DOCK8: variants seen among roughly 807,000 people sequenced by gnomAD.
DOCK8 encodes the protein dedicator of cytokinesis 8.
A neutral mutation model predicts 245.6 loss-of-function variants in DOCK8; 141 were observed. The observed-to-expected ratio is 0.57, with a 90% CI of 0.50 to 0.66. The LOEUF is 0.66. DOCK8 is among the 30% of genes least tolerant of loss of function. DOCK8 has a pLI of 0.00. For missense variants in DOCK8, 2,965 were observed against 2,603.4 expected (o/e 1.14, Z -3.02); for synonymous variants, 1,168 against 970.2 (o/e 1.20, Z -3.79).
At chr9:426,595 G>A (rs1252911800) in intron 33 of DOCK8, among the ~76,000 whole-genome samples, 3 of 152,172 alleles carry the variant, frequency 2.0e-5, no homozygotes, top group Non-Finnish European at 4.4e-5. Flanking sequence ...ATTGCTAGTA[G>A]CAACTAATAA....
At chr9:369,866 A>G in intron 15 of DOCK8, 2 of 309,730 alleles carry the variant, frequency 6.5e-6, no homozygotes, top group East Asian at 8.1e-5. Context: ...CAATGGTGCA[A>G]TCTCGACTCA....
chr9:323,478 C>T (rs762944563), intron 7 of DOCK8, among the ~76,000 whole-genome samples: 2 of 152,066 alleles, frequency 1.3e-5, no homozygotes, highest in Non-Finnish European at 2.9e-5. Flanking sequence ...GCCTCGGCCT[C>T]CCAAAGTGCT....
At chr9:400,285 T>A (rs1262205891) in intron 26 of DOCK8, among the ~76,000 whole-genome samples, 28 of 21,804 alleles carry the variant, frequency 1.3e-3, no homozygotes, top group African/African-American at 3.5e-3. Context: ...CACCACTTCC[T>A]TCACCACCAC....
In DOCK8 at chr9:311,635, C is replaced by T. The variant is rs186280254; in HGVS notation, c.529-319C>T. ...GCATGGTTCATTAAGAGGCTTGGCC[C>T]CCCCAGCCCCAGGAAAGAACAAGCC... On this transcript the variant is annotated intron_variant, in intron 5 of 47. Coordinates refer to ENST00000432829, the MANE Select transcript of DOCK8 (RefSeq NM_203447.4). 3.9e-4 allele frequency among the ~76,000 whole-genome samples: 59 copies of T among 152,236 alleles called. No homozygotes were observed. In the East Asian group the frequency reaches 9.1e-3, roughly 23 times the overall value.
chr9:233,974 G>T (rs958420009), intron 1 of DOCK8, among the ~76,000 whole-genome samples: 1 of 152,134 alleles, frequency 6.6e-6, no homozygotes, highest in Non-Finnish European at 1.5e-5. Context: ...GTTAGTTGAT[G>T]CAGTTTCTTC....
At chr9:370,104 A>G (rs1362258016) in intron 15 of DOCK8, 126 bp from the exon 16 acceptor site, 5 of 844,758 alleles carry the variant, frequency 5.9e-6, no homozygotes, top group Admixed American at 5.7e-5. Context: ...CTCCTGGCCA[A>G]CCCAGCACTC....
intron 16 of DOCK8, among the ~76,000 whole-genome samples, chr9:370,879 A>G (rs1452710535): frequency 1.3e-5 from 2 of 152,238 alleles, no homozygotes; most frequent in African/African-American, 2.4e-5. Context: ...ATTTAAGCAC[A>G]TTCTGGGATT....
At chr9:314,152 A>G (rs1338355934) in intron 6 of DOCK8, 13 of 152,260 alleles carry the variant, frequency 8.5e-5, no homozygotes, top group Admixed American at 8.5e-4. Flanking sequence ...GGGACACATA[A>G]CTGAAATCCA....
At chr9:290,348 C>G (rs1035652075) in intron 4 of DOCK8, among the ~76,000 whole-genome samples, 1 of 151,806 alleles carries the variant, frequency 6.6e-6, no homozygotes, top group Admixed American at 6.6e-5. Flanking sequence ...TGAGATAATT[C>G]TTCTTCCAGT....
chr9:285,179 G>T (rs2048765362), intron 2 of DOCK8, among the ~76,000 whole-genome samples: 1 of 152,080 alleles, frequency 6.6e-6, no homozygotes, highest in South Asian at 2.1e-4. Flanking sequence ...CGCCACTCAT[G>T]TCTCCTCCAT....
chr9:280,446 A>G (rs2048529526), intron 2 of DOCK8, among the ~76,000 whole-genome samples: 1 of 152,218 alleles, frequency 6.6e-6, no homozygotes, highest in South Asian at 2.1e-4. Flanking sequence ...GTGTGAAGGT[A>G]TTGGCTTGCC....
rs906902111 is a variant in DOCK8, at chr9:427,103, A to G, written c.4338+122A>G. 4.2e-5 allele frequency: 36 copies of G among 849,050 alleles called. No homozygotes were observed. In the African/African-American group the frequency reaches 4.4e-4, roughly 10 times the overall value. 52.6% of individuals were successfully genotyped at this position (849,050 alleles called of 1,614,324 possible). ...ATCCCATAGTACCTTTTTTAAAAAA[A>G]TGAAGTTGAGAAGTTTACTATTTAC... On this transcript the variant is annotated intron_variant, in intron 34 of 47. Coordinates refer to ENST00000432829, the MANE Select transcript of DOCK8 (RefSeq NM_203447.4).
At chr9:430,870 T>G (rs2056683449) in intron 36 of DOCK8, among the ~76,000 whole-genome samples, 1 of 151,958 alleles carries the variant, frequency 6.6e-6, no homozygotes, top group Non-Finnish European at 1.5e-5. Flanking sequence ...ATTTTAATAT[T>G]TTATTTATTT....
chr9:290,557 A>G (rs998354617), intron 4 of DOCK8, among the ~76,000 whole-genome samples: 4 of 152,210 alleles, frequency 2.6e-5, no homozygotes, highest in African/African-American at 9.6e-5. Context: ...TGGATTAATC[A>G]AACCTTCTGT....
At chr9:428,281 A>G in intron 34 of DOCK8, 81 bp from the exon 35 acceptor site, 1 of 1,607,356 alleles carries the variant, frequency 6.2e-7, no homozygotes, top group South Asian at 1.1e-5. Flanking sequence ...GAACATCAGC[A>G]TTACTGAGCT....
chr9:412,404 C>CA (rs59340573), intron 28 of DOCK8, among the ~76,000 whole-genome samples: 30,236 of 100,404 alleles, frequency 0.3, 3,786 homozygotes, highest in East Asian at 0.58. Flanking sequence ...GACCCTGTCT[C>CA]AAAAAAAAAA....
chr9:433,430 T>C (rs1261365183), intron 37 of DOCK8, among the ~76,000 whole-genome samples: 1 of 152,130 alleles, frequency 6.6e-6, no homozygotes, highest in Non-Finnish European at 1.5e-5. Context: ...TAAGAATAAA[T>C]GATTACAAGA....
intron 15 of DOCK8, chr9:368,537 C>T: frequency 4.2e-6 from 2 of 480,622 alleles, no homozygotes; most frequent in Admixed American, 6.8e-5. Flanking sequence ...TACACACTTA[C>T]TCAAGCCTCG....
intron 5 of DOCK8, among the ~76,000 whole-genome samples, chr9:307,329 G>GTTTTTTT (rs1210792510): frequency 8.0e-5 from 6 of 75,142 alleles, no homozygotes; most frequent in East Asian, 5.1e-4. Flanking sequence ...GTTGTGTGTG[G>GTTTTTTT]TTTTTTTTGT....
Sources: allele counts gnomAD v4.1 joint callset (sites outside exome capture counted in the v4.1 genomes callset), GRCh38; gene constraint gnomAD v4.1.1; transcripts MANE v1.5; gene names NCBI Gene and HGNC (gene_info 2026-07-23, HGNC 2026-07-21).